NOTCH2NLR: variants seen among roughly 807,000 people sequenced by gnomAD.
The protein encoded by NOTCH2NLR is notch 2 N-terminal like R.
A neutral mutation model predicts 35.6 loss-of-function variants in NOTCH2NLR; 33 were observed. That is an observed-to-expected ratio of 0.93 (90% CI 0.70 to 1.24). NOTCH2NLR has a LOEUF of 1.24. Among genes scored for constraint, NOTCH2NLR ranks in the 50% most tolerant of loss-of-function variants. NOTCH2NLR has a pLI of 0.00. For missense variants in NOTCH2NLR, 276 were observed against 362.2 expected (o/e 0.76, Z 1.93); for synonymous variants, 103 against 141.0 (o/e 0.73, Z 1.91).
chr1:120,763,686 C>T, exon 2 of NOTCH2NLR: 3 of 1,400,664 alleles, frequency 2.1e-6, no homozygotes, highest in East Asian at 2.3e-5. Flanking sequence ...GTGTTACCTA[C>T]CACAGTGGCA....
chr1:120,790,543 T>TCTTTCTTC lies in NOTCH2NLR; in HGVS notation c.416-2611_416-2610insCCTTTCTT, dbSNP rs1651476997. On this transcript the variant is annotated intron_variant, in intron 3 of 4. Transcript: ENST00000624419. ...TTCTTTCTTTCTCCCTCCCTTTCTTTCTTTCTTTCTTTCTTTCTTTCTTTC... is the reference window on the plus strand; with the variant it reads ...TTCTTTCTTTCTCCCTCCCTTTCTTTCTTTCTTCCTTTCTTTCTTTCTTTCTTTCTTTC... Among the ~76,000 whole-genome samples, 2 of 81,914 alleles carry TCTTTCTTC rather than the reference T, an allele frequency of 2.4e-5. 1 individual carries two copies. Among genetic ancestry groups the TCTTTCTTC allele is most frequent in the Admixed American group, 2.4e-4 (2 of 8,472 alleles). The allele number at this position is 81,914 out of a possible 152,430, so 53.7% of individuals were successfully genotyped here.
At position 120,724,284 on chromosome 1, in the gene NOTCH2NLR, G is replaced by A. The variant is rs1165592214; in HGVS notation, c.73+34G>A. 2.2e-6 allele frequency: 3 copies of A among 1,372,668 alleles called. 1 individual carries two copies. The highest frequency in any genetic ancestry group is 5.4e-5 in the African/African-American group (2 of 37,252). The allele number at this position is 1,372,668 out of a possible 1,614,324, so 85.0% of individuals were successfully genotyped here. On this transcript the variant is annotated intron_variant, in intron 1 of 4. Transcript: ENST00000624419. ...CGGGCTGAGGGGCGCTGTCCGCGGC[G>A]CCCGGGGCTGCCACCTGGGGCGACC... is the stretch of plus-strand genomic sequence containing the variant.
At chr1:120,765,915 G>A (rs1651185961) in intron 2 of NOTCH2NLR, among the ~76,000 whole-genome samples, 1 of 93,568 alleles carries the variant, frequency 1.1e-5, no homozygotes, top group African/African-American at 7.5e-5. Flanking sequence ...TCACTCATAA[G>A]TGGGAGCTGA....
intron 1 of NOTCH2NLR, among the ~76,000 whole-genome samples, chr1:120,729,014 C>T (rs1650846715): frequency 8.6e-6 from 1 of 116,682 alleles, no homozygotes; most frequent in Non-Finnish European, 1.6e-5. Flanking sequence ...GCCCCAAATT[C>T]AGAGTCAACT....
chr1:120,727,797 G>C lies in NOTCH2NLR; in HGVS notation c.73+3547G>C, dbSNP rs1650831647. ...CCTTCCACGCTTTCCTGATTTTCCT[G>C]TTTTTGTTTCCCCCCCTTTCTCTGC... On this transcript the variant is annotated intron_variant, in intron 1 of 4. Transcript: ENST00000624419. 5.1e-5 allele frequency among the ~76,000 whole-genome samples: 6 copies of C among 117,544 alleles called. 3 individuals are homozygous for C. Among genetic ancestry groups the C allele is most frequent in the African/African-American group, 9.9e-5 (2 of 20,152 alleles). 77.1% of individuals were successfully genotyped at this position (117,544 alleles called of 152,430 possible). A position where few individuals can be genotyped will look rare whatever the true frequency, so the allele number is the denominator to read the frequency against.
intron 1 of NOTCH2NLR, among the ~76,000 whole-genome samples, chr1:120,730,586 T>C (rs1650865073): frequency 1.7e-5 from 2 of 114,450 alleles, no homozygotes; most frequent in African/African-American, 1.1e-4. Flanking sequence ...ATCTGTTTTT[T>C]CTCCTGTCTC....
intron 2 of NOTCH2NLR, among the ~76,000 whole-genome samples, chr1:120,777,982 C>T (rs1169721717): frequency 1.2e-5 from 1 of 81,870 alleles, no homozygotes; most frequent in Non-Finnish European, 2.1e-5. Context: ...TCTGGGGTAC[C>T]TACAAGTTTG....
chr1:120,754,202 CAA>C (rs1176118362), intron 1 of NOTCH2NLR, among the ~76,000 whole-genome samples: 2 of 14,514 alleles, frequency 1.4e-4, no homozygotes, highest in Non-Finnish European at 1.2e-4. Flanking sequence ...GACTCCATCT[CAA>C]AAAAAAAAAA....
At chr1:120,743,920 AAGGAGAAGCAGAG>A in intron 1 of NOTCH2NLR, among the ~76,000 whole-genome samples, 1 of 103,730 alleles carries the variant, frequency 9.6e-6, no homozygotes, top group Non-Finnish European at 1.9e-5. Flanking sequence ...TTGGTGCACT[AAGGAGAAGCAGAG>A]AGGAGAAGCA....
rs1230724032 is a variant in NOTCH2NLR, at chr1:120,784,980, A to T, written c.162A>T (p.Pro54=). Reference sequence around the variant, plus strand: ...TCTTCTCTTTTCCATACAGATGTCCAGAAGGCTTCTTGGGGGAATATTGTC... The same window carrying T: ...TCTTCTCTTTTCCATACAGATGTCCTGAAGGCTTCTTGGGGGAATATTGTC... Residue 54 remains proline, a synonymous_variant, in exon 3 of 5, where the codon CCA becomes CCT. Coordinates refer to ENST00000624419, the Ensembl canonical transcript of NOTCH2NLR. The T allele has an allele frequency of 2.8e-6, 4 of 1,414,694 alleles. 1 individual carries two copies. The East Asian group carries it at 9.4e-5, about 33-fold the overall frequency. 87.6% of individuals were successfully genotyped at this position (1,414,694 alleles called of 1,614,324 possible).
In NOTCH2NLR at chr1:120,791,452, G is replaced by C. The variant is rs1420136780; in HGVS notation, c.416-1709G>C. Among the ~76,000 whole-genome samples the C allele has an allele frequency of 2.7e-4, 28 of 104,152 alleles. 4 individuals carry two copies. The highest frequency in any genetic ancestry group is 2.6e-3 in the Admixed American group (28 of 10,606). 68.3% of individuals were successfully genotyped at this position (104,152 alleles called of 152,430 possible). A position where few individuals can be genotyped will look rare whatever the true frequency, so the allele number is the denominator to read the frequency against. ...GAAAATGTGGCACATATACACCATG[G>C]AATACTATTCAGCCATAAAAAAGGA... On this transcript the variant is annotated intron_variant, in intron 3 of 4. Transcript: ENST00000624419.
Position 120,781,809 on chromosome 1 carries a change from C to T in NOTCH2NLR, c.156-3165C>T, listed in dbSNP as rs1168841422. Among the ~76,000 whole-genome samples the T allele has an allele frequency of 6.0e-5, 7 of 117,256 alleles. 2 individuals are homozygous for T. The highest frequency in any genetic ancestry group is 9.4e-5 in the African/African-American group (2 of 21,358). 76.9% of individuals were successfully genotyped at this position (117,256 alleles called of 152,430 possible). A position where few individuals can be genotyped will look rare whatever the true frequency, so the allele number is the denominator to read the frequency against. ...TCCTGACCTGGTGATCTGCCTGCCT[C>T]GGCCTCCCAAAGTGCTGAGATTACT... On this transcript the variant is annotated intron_variant, in intron 2 of 4. Coordinates refer to ENST00000624419, the Ensembl canonical transcript of NOTCH2NLR.
intron 1 of NOTCH2NLR, among the ~76,000 whole-genome samples, chr1:120,724,618 G>A (rs1650796159): frequency 8.3e-6 from 1 of 119,918 alleles, no homozygotes; most frequent in African/African-American, 4.3e-5. Context: ...AGCCGACGGC[G>A]GGCCTCGGAG....
chr1:120,777,679 G>A (rs1412998489), intron 2 of NOTCH2NLR, among the ~76,000 whole-genome samples: 1 of 70,796 alleles, frequency 1.4e-5, no homozygotes, highest in Non-Finnish European at 2.4e-5. Flanking sequence ...TGAGAGAAGG[G>A]GGGGTTGAGA....
intron 3 of NOTCH2NLR, among the ~76,000 whole-genome samples, chr1:120,790,582 T>G (rs1175312624): frequency 6.6e-5 from 7 of 106,486 alleles, no homozygotes; most frequent in African/African-American, 1.8e-4. Flanking sequence ...CTTTCTTTCT[T>G]TCTTTCTTTC....
rs1651252116 is a variant in NOTCH2NLR at position 120,770,587 on chromosome 1, T to G, written c.155+6878T>G. 1.7e-5 allele frequency among the ~76,000 whole-genome samples: 2 copies of G among 119,828 alleles called. 1 individual carries two copies. Among genetic ancestry groups the G allele is most frequent in the Non-Finnish European group, 3.2e-5 (2 of 61,806 alleles). 78.6% of individuals were successfully genotyped at this position (119,828 alleles called of 152,430 possible). ...TAGCTAACATTATTGCATATTAGGG[T>G]CTGTTCTCAAGTAGTTTAACATGTA... On this transcript the variant is annotated intron_variant, in intron 2 of 4. Transcript: ENST00000624419.
intron 2 of NOTCH2NLR, among the ~76,000 whole-genome samples, chr1:120,769,578 T>A (rs1166538944): frequency 8.2e-6 from 1 of 122,488 alleles, no homozygotes; most frequent in Admixed American, 7.8e-5. Context: ...AAGAATGCTG[T>A]TTTTTTGGCT....
chr1:120,786,336 G>A (rs1467577271), intron 3 of NOTCH2NLR, among the ~76,000 whole-genome samples: 1 of 99,168 alleles, frequency 1.0e-5, no homozygotes, highest in South Asian at 3.0e-4. Flanking sequence ...CCTTTCACCT[G>A]TCTATTCCTC....
At position 120,727,982 on chromosome 1, in the gene NOTCH2NLR, G is replaced by A. The variant is rs1267001963; in HGVS notation, c.73+3732G>A. ...GACCTTGTAGGAGAGCCACTGTTTC[G>A]GTCCTCCATTTTCTGATGTTCATTG... On this transcript the variant is annotated intron_variant, in intron 1 of 4. Transcript: ENST00000624419. Among the ~76,000 whole-genome samples the A allele has an allele frequency of 2.5e-5, 3 of 119,180 alleles. 1 individual carries two copies. The highest frequency in any genetic ancestry group is 2.1e-4 in the East Asian group (1 of 4,854). The allele number at this position is 119,180 out of a possible 152,430, so 78.2% of individuals were successfully genotyped here. A position where few individuals can be genotyped will look rare whatever the true frequency, so the allele number is the denominator to read the frequency against.
Sources: gnomAD v4.1 joint callset for allele counts (sites outside exome capture counted in the v4.1 genomes callset) on GRCh38, gnomAD v4.1.1 for gene constraint, MANE v1.5 for transcripts, NCBI Gene and HGNC (gene_info 2026-07-23, HGNC 2026-07-21) for gene names.